NGF: variants seen among roughly 807,000 people sequenced by gnomAD.
The protein encoded by NGF is beta-nerve growth factor.
A neutral mutation model predicts 12.8 loss-of-function variants in NGF; 4 were observed. That is an observed-to-expected ratio of 0.31 (90% CI 0.15 to 0.72). The LOEUF (loss-of-function observed/expected upper bound fraction) is 0.72, where lower values mean the gene tolerates loss of function less well. Among genes scored for constraint, NGF ranks in the 30% least tolerant of loss-of-function variants. The pLI, the probability that NGF is intolerant of heterozygous loss-of-function variation, is 0.69. For synonymous variants in NGF, 140 were observed against 130.0 expected (o/e 1.08, Z -0.52); for missense variants, 283 against 330.8 (o/e 0.86, Z 1.12).
intron 1 of NGF, among the ~76,000 whole-genome samples, chr1:115,316,405 A>T (rs1308728975): frequency 6.6e-6 from 1 of 152,092 alleles, no homozygotes; most frequent in African/African-American, 2.4e-5. Context: ...CTCCTTGTTG[A>T]TTGTCCACTT....
At chr1:115,322,528 C>G (rs1654658004) in intron 1 of NGF, among the ~76,000 whole-genome samples, 1 of 152,046 alleles carries the variant, frequency 6.6e-6, no homozygotes, top group Non-Finnish European at 1.5e-5. Flanking sequence ...CTGTCCCCCC[C>G]TAAATTGTGA....
chr1:115,327,685 A>G (rs114512342), intron 1 of NGF, among the ~76,000 whole-genome samples: 78 of 152,268 alleles, frequency 5.1e-4, no homozygotes, highest in African/African-American at 1.7e-3. Flanking sequence ...TTTCAGCACA[A>G]AAAAAGTAAG....
intron 1 of NGF, among the ~76,000 whole-genome samples, chr1:115,325,947 A>T (rs137950018): frequency 3.6e-4 from 55 of 152,294 alleles, no homozygotes; most frequent in African/African-American, 1.3e-3. Flanking sequence ...GTTAAAAAAA[A>T]TTCTAAATTT....
intron 1 of NGF, among the ~76,000 whole-genome samples, chr1:115,314,423 T>C (rs879004988): frequency 7.9e-5 from 12 of 152,344 alleles, no homozygotes; most frequent in East Asian, 3.9e-4. Flanking sequence ...TAATGAAACA[T>C]TGGGACTATC....
intron 1 of NGF, among the ~76,000 whole-genome samples, chr1:115,332,917 A>C (rs1229147144): frequency 6.6e-6 from 1 of 152,196 alleles, no homozygotes; most frequent in Non-Finnish European, 1.5e-5. Context: ...ACATATCCAT[A>C]GTGATGAGGC....
intron 1 of NGF, among the ~76,000 whole-genome samples, chr1:115,324,038 T>C (rs2101050301): frequency 6.6e-6 from 1 of 152,280 alleles, no homozygotes; most frequent in East Asian, 1.9e-4. Context: ...CCCTGCTCGC[T>C]TCATCTCCCT....
chr1:115,288,676 C>A (rs1653593134), intron 2 of NGF, among the ~76,000 whole-genome samples: 1 of 152,164 alleles, frequency 6.6e-6, no homozygotes, highest in Non-Finnish European at 1.5e-5. Context: ...TGTGGATAAT[C>A]ATTAACTTGT....
rs1392534915 is a variant in NGF at position 115,286,423 on chromosome 1, G to A, written c.373C>T (p.His125Tyr). ...RTHRSKRSSS[H>Y]PIFHRGEFSV... Reference sequence around the variant, plus strand: ...AATTCGCCCCTGTGGAAGATGGGATGGGATGATGACCGCTTGCTCCTGTGA... The same window carrying A: ...AATTCGCCCCTGTGGAAGATGGGATAGGATGATGACCGCTTGCTCCTGTGA... Residue 125 changes from histidine to tyrosine, a missense_variant, in exon 3 of 3, where the codon CAT becomes TAT. His to Tyr is a moderately conservative substitution (Grantham distance 83, BLOSUM62 2). Transcript: ENST00000369512. 3 of 1,613,676 alleles carry A rather than the reference G, an allele frequency of 1.9e-6. No homozygotes were observed. The highest frequency in any genetic ancestry group is 2.5e-6 in the Non-Finnish European group (3 of 1,179,980).
chr1:115,331,835 G>A (rs1654929788), intron 1 of NGF, among the ~76,000 whole-genome samples: 1 of 152,104 alleles, frequency 6.6e-6, no homozygotes, highest in African/African-American at 2.4e-5. Flanking sequence ...TATTTATTTT[G>A]AGTCCCCAGA....
chr1:115,312,128 G>A (rs1654349081), intron 1 of NGF, among the ~76,000 whole-genome samples: 1 of 152,150 alleles, frequency 6.6e-6, no homozygotes, highest in Non-Finnish European at 1.5e-5. Flanking sequence ...TGTCTATTTG[G>A]TGGGGCAGCA....
intron 1 of NGF, among the ~76,000 whole-genome samples, chr1:115,320,455 C>G (rs989373759): frequency 2.0e-5 from 3 of 152,124 alleles, no homozygotes; most frequent in African/African-American, 7.2e-5. Context: ...CATACTGAAA[C>G]AGTCCATCTG....
intron 1 of NGF, among the ~76,000 whole-genome samples, chr1:115,301,667 G>T (rs571229514): frequency 6.0e-4 from 92 of 152,294 alleles, no homozygotes; most frequent in Admixed American, 5.4e-3. Flanking sequence ...ATTGTAGAAC[G>T]CTCAGCCTGC....
chr1:115,290,119 C>T (rs1653636789), intron 2 of NGF, among the ~76,000 whole-genome samples: 1 of 152,150 alleles, frequency 6.6e-6, no homozygotes, highest in Non-Finnish European at 1.5e-5. Flanking sequence ...ACTGCTCTGC[C>T]TGGCAATGGG....
chr1:115,316,653 C>G (rs1323463823), intron 1 of NGF, among the ~76,000 whole-genome samples: 1 of 152,102 alleles, frequency 6.6e-6, no homozygotes, highest in African/African-American at 2.4e-5. Context: ...AACAAACTTA[C>G]TCTAACTTAA....
At chr1:115,289,071 T>C (rs2101021775) in intron 2 of NGF, among the ~76,000 whole-genome samples, 1 of 152,376 alleles carries the variant, frequency 6.6e-6, no homozygotes, top group South Asian at 2.1e-4. Flanking sequence ...CAGCTGACCA[T>C]GCAAAGGAGG....
chr1:115,328,255 T>C (rs553193519), intron 1 of NGF, among the ~76,000 whole-genome samples: 1 of 152,228 alleles, frequency 6.6e-6, no homozygotes, highest in East Asian at 1.9e-4. Context: ...AGGTAGGCAG[T>C]TTGTCATCAC....
chr1:115,321,584 G>A (rs1402342963), intron 1 of NGF, among the ~76,000 whole-genome samples: 1 of 45,234 alleles, frequency 2.2e-5, no homozygotes, highest in Non-Finnish European at 3.7e-5. Flanking sequence ...GGATGTGTGT[G>A]TGTGTGTGTG....
At chr1:115,327,089 T>C (rs1654797996) in intron 1 of NGF, among the ~76,000 whole-genome samples, 1 of 152,200 alleles carries the variant, frequency 6.6e-6, no homozygotes, top group South Asian at 2.1e-4. Context: ...ATTTCTTACA[T>C]AATAACTTTC....
chr1:115,286,073 G>A lies in NGF; in HGVS notation c.723C>T (p.Ala241=), dbSNP rs34079702. ...GGGGAGGGAGCGTGTCGGCAGGTCA[G>A]GCTCTTCTCACAGCCTTCCTGCTGA... ...CVLSRKAVRR[A] The change falls in exon 3 of 3, where the codon GCC becomes GCT. Residue 241 remains alanine, a synonymous_variant. Coordinates refer to ENST00000369512, the MANE Select transcript of NGF (RefSeq NM_002506.3). 6.2e-7 allele frequency: 1 copy of A among 1,613,126 alleles called. No individual in the cohort carries two copies. Among genetic ancestry groups the A allele is most frequent in the Non-Finnish European group, 8.5e-7 (1 of 1,179,704 alleles).
Sources: gnomAD v4.1 joint callset for allele counts (sites outside exome capture counted in the v4.1 genomes callset) on GRCh38, gnomAD v4.1.1 for gene constraint, MANE v1.5 for transcripts, NCBI Gene and HGNC (gene_info 2026-07-23, HGNC 2026-07-21) for gene names.